Variants in RNF213 observed in about 807,000 individuals in gnomAD.
RNF213 encodes E3 ubiquitin-protein ligase RNF213.
RNF213 carries 341 observed loss-of-function variants against 514.4 expected under a neutral mutation model. That is an observed-to-expected ratio of 0.66 (90% confidence interval 0.61 to 0.73). The LOEUF (loss-of-function observed/expected upper bound fraction) is 0.73. RNF213 is among the 30% of genes least tolerant of loss of function. RNF213 has a pLI of 0.00. For synonymous variants in RNF213, 2,655 were observed against 2,658.2 expected (o/e 1.00, Z 0.04); for missense variants, 5,767 against 6,615.6 (o/e 0.87, Z 4.45).
chr17:80,335,546 C>T (rs2077964303), intron 22 of RNF213, among the ~76,000 whole-genome samples: 1 of 152,186 alleles, frequency 6.6e-6, no homozygotes, highest in East Asian at 1.9e-4. Context: ...ATGTTATTTA[C>T]AGCTGAGCCT....
In RNF213 at chr17:80,337,817, C is replaced by T; in HGVS notation, c.4669-16C>T. 6.5e-7 allele frequency: 1 copy of T among 1,536,950 alleles called. No individual in the cohort carries two copies. The highest frequency in any genetic ancestry group is 8.7e-7 in the Non-Finnish European group (1 of 1,146,646). On this transcript the variant is annotated splice_polypyrimidine_tract_variant and intron_variant, in intron 24 of 67. Transcript: ENST00000582970. ...CTGGCCCCAAGAAAGTGACTTCTAACCTATGCTCTTCACAGATTTCCCCAG... is the reference window on the plus strand; with the variant it reads ...CTGGCCCCAAGAAAGTGACTTCTAATCTATGCTCTTCACAGATTTCCCCAG...
intron 15 of RNF213, chr17:80,316,324 C>T (rs778757270): frequency 2.6e-5 from 4 of 152,060 alleles, no homozygotes; most frequent in African/African-American, 4.8e-5. Flanking sequence ...ATATTTTAAT[C>T]TGAATCAAAT....
intron 3 of RNF213, among the ~76,000 whole-genome samples, chr17:80,282,317 T>C (rs1159567826): frequency 1.3e-5 from 2 of 152,194 alleles, no homozygotes; most frequent in African/African-American, 4.8e-5. Context: ...GTATTTTCTG[T>C]CTGTGGTTGG....
In RNF213 at chr17:80,264,848, C is replaced by A. The variant is rs957627816; in HGVS notation, c.97+1070C>A. Among the ~76,000 whole-genome samples the A allele has an allele frequency of 7.2e-5, 11 of 152,048 alleles. No individual in the cohort carries two copies. The highest frequency in any genetic ancestry group is 2.7e-4 in the African/African-American group (11 of 41,380). ...ATTCCTCTTGGCTCCCTCTCCTGTC[C>A]CCAGAGCCCACCACCTTCTGGCCCT... On this transcript the variant is annotated intron_variant, in intron 2 of 67. Coordinates refer to ENST00000582970, the MANE Select transcript of RNF213 (RefSeq NM_001256071.3). This position sits in a 1 kb window ranked among gnomAD's most constrained non-coding sequence, Gnocchi z 5.0.
At chr17:80,390,511 C>T (rs1156945725) in intron 67 of RNF213, among the ~76,000 whole-genome samples, 5 of 152,130 alleles carry the variant, frequency 3.3e-5, no homozygotes, top group Non-Finnish European at 7.4e-5. Flanking sequence ...AGTCTCATGC[C>T]TCAGCTTCCC....
chr17:80,360,021 C>T (rs2078996815), intron 37 of RNF213, 40 bp from the exon 38 acceptor site: 2 of 1,610,432 alleles, frequency 1.2e-6, no homozygotes, highest in Non-Finnish European at 1.7e-6. Flanking sequence ...TGAGTGACGT[C>T]TCACAAACCC....
Position 80,290,663 on chromosome 17 carries a change from C to T in RNF213, c.1206C>T (p.Ile402=). The T allele has an allele frequency of 1.9e-6, 3 of 1,614,194 alleles. No individual in the cohort carries two copies. In the East Asian group the frequency reaches 6.7e-5, roughly 36 times the overall value. Residue 402 remains isoleucine (I), a synonymous_variant, in exon 7 of 68, where the codon ATC becomes ATT. Transcript: ENST00000582970. ...ATCCTGACCTCCATAAAGTCTTCAT[C>T]AGAGGAGGAGAAGAATTTGGGGAGT... The part of the protein sequence containing the change: ...PFNPDLHKVF[I]RGGEEFGESK...
chr17:80,327,739 C>A, intron 18 of RNF213, 77 bp from the exon 19 acceptor site: 1 of 1,293,348 alleles, frequency 7.7e-7, no homozygotes. Flanking sequence ...AAGAGGTTAT[C>A]TGGAATTCCC....
intron 36 of RNF213, among the ~76,000 whole-genome samples, chr17:80,355,440 ATCGGGGCTCACGGAGGAAGAGGGGTGAC>A (rs1568122359): frequency 1.9e-4 from 14 of 73,244 alleles, no homozygotes; most frequent in South Asian, 5.5e-4. Flanking sequence ...GTGGATGGGA[ATCGGGGCTCACGGAGGAAGAGGGGTGAC>A]CGGGAATGGG....
Position 80,369,618 on chromosome 17 carries a change from G to A in RNF213, c.12272G>A (p.Ser4091Asn), listed in dbSNP as rs1261415068. ...NAPPEKEVIE[S>N]LLSLLFVQKG... ...CCGCCTGAGAAGGAAGTGATTGAGA[G>A]CCTGCTCTCTCTCCTCTTCGTCCAA... Residue 4091 changes from serine to asparagine, a missense_variant, in exon 45 of 68, where the codon AGC (serine) becomes AAC (asparagine). Physicochemically the swap from Ser to Asn is conservative, Grantham distance 46 (BLOSUM62 1). Transcript: ENST00000582970. The A allele has an allele frequency of 6.2e-7, 1 of 1,614,244 alleles. No individual in the cohort carries two copies. The highest frequency in any genetic ancestry group is 2.2e-5 in the East Asian group (1 of 44,882).
At chr17:80,321,669 T>C (rs1406292785) in intron 17 of RNF213, among the ~76,000 whole-genome samples, 1 of 152,228 alleles carries the variant, frequency 6.6e-6, no homozygotes, top group Non-Finnish European at 1.5e-5. Flanking sequence ...TAACATGTGT[T>C]GTCTAACTTT....
chr17:80,261,618 G>A (rs2043425252), intron 1 of RNF213, among the ~76,000 whole-genome samples: 1 of 152,236 alleles, frequency 6.6e-6, no homozygotes, highest in Non-Finnish European at 1.5e-5. Context: ...GTCTGTGCTT[G>A]GGAAAAAATG....
chr17:80,283,308 G>A (rs1235162488), intron 3 of RNF213, among the ~76,000 whole-genome samples: 1 of 152,122 alleles, frequency 6.6e-6, no homozygotes, highest in Non-Finnish European at 1.5e-5. Context: ...GTGAGCCTGG[G>A]GCTGCTGCTC....
In RNF213 at chr17:80,367,791, A is replaced by G; in HGVS notation, c.11915A>G (p.Glu3972Gly). ...GACGTGAAGACGCACGGGCCTTTTG[A>G]GGCCGTGATGCGCACTCTCTGTGAA... is the stretch of plus-strand genomic sequence containing the variant. Reference protein sequence around the residue: ...NSDVKTHGPFEAVMRTLCECK... With the variant: ...NSDVKTHGPFGAVMRTLCECK... Residue 3972 changes from glutamate to glycine, a missense_variant, in exon 43 of 68, where the codon GAG becomes GGG. Transcript: ENST00000582970. 1 of 1,614,188 alleles carries G rather than the reference A, an allele frequency of 6.2e-7. No homozygotes were observed. Among genetic ancestry groups the G allele is most frequent in the Non-Finnish European group, 8.5e-7 (1 of 1,180,032 alleles).
Position 80,332,477 on chromosome 17 carries a change from A to G in RNF213, c.3989A>G (p.Gln1330Arg). 1.3e-6 allele frequency: 2 copies of G among 1,537,196 alleles called. No homozygotes were observed. Among genetic ancestry groups the G allele is most frequent in the Non-Finnish European group, 1.7e-6 (2 of 1,146,860 alleles). The change falls in exon 21 of 68, where the codon CAG (glutamine) becomes CGG (arginine). Residue 1330 changes from glutamine (Q) to arginine (R), a missense_variant. Gln to Arg is a conservative substitution (Grantham distance 43). Around this residue, in one of 13 missense-constraint regions of RNF213, gnomAD observed 516 missense variants for 566.5 expected, o/e 0.91. Transcript: ENST00000582970. Reference sequence around the variant, plus strand: ...AAGATCATGTGCACCGTGGACCACCAGGACCAAAGAGATTGGATCAAGGAC... The same window carrying G: ...AAGATCATGTGCACCGTGGACCACCGGGACCAAAGAGATTGGATCAAGGAC... ...ELKIMCTVDH[Q>R]DQRDWIKDRV...
In RNF213 at chr17:80,377,790, G is replaced by GC. The variant is rs769981036; in HGVS notation, c.13539_13540insC (p.Gly4514ArgfsTer14). On this transcript the variant is annotated frameshift_variant, in exon 54 of 68. Coordinates refer to ENST00000582970, the MANE Select transcript of RNF213 (RefSeq NM_001256071.3). LOFTEE classifies it high-confidence loss of function. The surrounding 1 kb of genome is among the most constrained non-coding windows in gnomAD (Gnocchi z 4.1). ...GTCCCAACGGCCATCCTTGCTCCGT[G>GC]GGAGAGGTGAGTCTTGGTATTTAAG... 5 of 1,614,036 alleles carry GC rather than the reference G, an allele frequency of 3.1e-6. No individual in the cohort carries two copies. The East Asian group carries it at 1.1e-4, about 36-fold the overall frequency.
intron 20 of RNF213, among the ~76,000 whole-genome samples, chr17:80,329,060 G>A (rs1235458677): frequency 6.6e-6 from 1 of 152,208 alleles, no homozygotes; most frequent in East Asian, 1.9e-4. Context: ...GAAGATCATT[G>A]GTTTGACCTT....
intron 67 of RNF213, among the ~76,000 whole-genome samples, chr17:80,392,256 C>T (rs118153619): frequency 0.023 from 3,564 of 152,264 alleles, 106 homozygotes; most frequent in Non-Finnish European, 0.031. Flanking sequence ...CATTTATGTT[C>T]TTTCAACTTT....
chr17:80,318,852 C>G (rs553386904), intron 16 of RNF213, among the ~76,000 whole-genome samples: 4 of 152,220 alleles, frequency 2.6e-5, no homozygotes, highest in African/African-American at 4.8e-5. Context: ...GGATGACAGG[C>G]GTGAGCCACC....
Sources: gnomAD v4.1 joint callset for allele counts (sites outside exome capture counted in the v4.1 genomes callset) on GRCh38, gnomAD v4.1.1 for gene constraint, gnomAD v4.1.1 regional missense constraint, Gnocchi (gnomAD v3.1) non-coding constraint, MANE v1.5 for transcripts, NCBI Gene and HGNC (gene_info 2026-07-23, HGNC 2026-07-21) for gene names.